Variants in ISM1 observed in about 807,000 individuals in gnomAD.
ISM1 encodes isthmin-1.
In ISM1, 25 loss-of-function variants were observed where a neutral mutation model predicts 46.3. The observed-to-expected ratio is 0.54, with a 90% CI of 0.39 to 0.75. The LOEUF is 0.75. Among genes scored for constraint, ISM1 ranks in the 30% least tolerant of loss-of-function variants. The probability of loss-of-function intolerance (pLI) is 0.00; values close to 1 mark genes in which losing one functional copy is unlikely to be tolerated. For synonymous variants in ISM1, 255 were observed against 256.7 expected (o/e 0.99, Z 0.06); for missense variants, 536 against 625.4 (o/e 0.86, Z 1.52).
chr20:13,246,648 A>G (rs1190388891), intron 1 of ISM1, among the ~76,000 whole-genome samples: 1 of 152,250 alleles, frequency 6.6e-6, no homozygotes, highest in Non-Finnish European at 1.5e-5. Flanking sequence ...CGGAAAGTTT[A>G]CCTACTTGCC....
intron 3 of ISM1, among the ~76,000 whole-genome samples, chr20:13,285,635 G>A (rs1379283757): frequency 1.3e-5 from 2 of 152,184 alleles, no homozygotes; most frequent in African/African-American, 2.4e-5. Flanking sequence ...TTATCCCATT[G>A]GCCAAAGCAA....
intron 5 of ISM1, among the ~76,000 whole-genome samples, chr20:13,296,267 C>G (rs1473716932): frequency 6.6e-6 from 1 of 152,128 alleles, no homozygotes; most frequent in East Asian, 1.9e-4. Context: ...TTCTCTGGAC[C>G]CGAGCCCAGC....
intron 2 of ISM1, among the ~76,000 whole-genome samples, chr20:13,276,944 G>C (rs774658896): frequency 6.6e-6 from 1 of 152,188 alleles, no homozygotes; most frequent in Non-Finnish European, 1.5e-5. Context: ...GGGTGCGGTG[G>C]ATCCTAAGAT....
intron 1 of ISM1, among the ~76,000 whole-genome samples, chr20:13,243,364 C>T (rs1338564664): frequency 6.6e-6 from 1 of 152,156 alleles, no homozygotes; most frequent in Non-Finnish European, 1.5e-5. Context: ...TCACATAGAT[C>T]ATCCTTTGAT....
chr20:13,245,735 A>G (rs1461418160), intron 1 of ISM1, among the ~76,000 whole-genome samples: 3 of 152,160 alleles, frequency 2.0e-5, no homozygotes, highest in Non-Finnish European at 4.4e-5. Flanking sequence ...TCAAAATAAT[A>G]CTTAGTTTCA....
rs1390315704 is a variant in ISM1 at position 13,226,065 on chromosome 20, A to C, written c.138+4151A>C. On this transcript the variant is annotated intron_variant, in intron 1 of 5. Coordinates refer to ENST00000262487, the MANE Select transcript of ISM1 (RefSeq NM_080826.2). ...TTTTAGTAGTAAGTCAGAACTCATTAAGGCAGTGAGATTTAAGCAAGTATT... is the reference window on the plus strand; with the variant it reads ...TTTTAGTAGTAAGTCAGAACTCATTCAGGCAGTGAGATTTAAGCAAGTATT... 4.6e-5 allele frequency among the ~76,000 whole-genome samples: 7 copies of C among 152,248 alleles called. 1 individual carries two copies. Among genetic ancestry groups the C allele is most frequent in the Non-Finnish European group, 1.0e-4 (7 of 68,036 alleles).
At chr20:13,292,090 C>T (rs552364156) in intron 4 of ISM1, among the ~76,000 whole-genome samples, 1 of 152,306 alleles carries the variant, frequency 6.6e-6, no homozygotes, top group Admixed American at 6.5e-5. Context: ...ACATGTGTCC[C>T]CCACTGCCCA....
At chr20:13,325,978 C>T in the ISM1 span, among the ~76,000 whole-genome samples, 6 of 152,168 alleles carry the variant, frequency 3.9e-5, no homozygotes, top group African/African-American at 1.4e-4. Flanking sequence ...TCACATCTTC[C>T]ACCCAACCCT....
chr20:13,274,857 C>A (rs900222283), intron 2 of ISM1, among the ~76,000 whole-genome samples: 25 of 152,086 alleles, frequency 1.6e-4, no homozygotes, highest in African/African-American at 5.8e-4. Flanking sequence ...GAAGAAAATG[C>A]GCAAAATAGA....
At chr20:13,320,165 G>A in the ISM1 span, among the ~76,000 whole-genome samples, 1 of 152,218 alleles carries the variant, frequency 6.6e-6, no homozygotes, top group African/African-American at 2.4e-5. Flanking sequence ...ACCCTGCTGA[G>A]GGGCTCATGG....
At chr20:13,317,516 G>A in the ISM1 span, among the ~76,000 whole-genome samples, 2 of 151,992 alleles carry the variant, frequency 1.3e-5, no homozygotes, top group Non-Finnish European at 2.9e-5. Context: ...AAAGGTAAAC[G>A]ACTCATACTA....
At chr20:13,283,793 G>C (rs774457143) in intron 3 of ISM1, among the ~76,000 whole-genome samples, 1 of 152,120 alleles carries the variant, frequency 6.6e-6, no homozygotes, top group South Asian at 2.1e-4. Flanking sequence ...TGTTACTTGG[G>C]TTAGGACCCA....
At chr20:13,302,545 G>A (rs1343062248), downstream of ISM1, among the ~76,000 whole-genome samples, 1 of 152,194 alleles carries the variant, frequency 6.6e-6, no homozygotes, top group Non-Finnish European at 1.5e-5. Context: ...AGTTCACTCA[G>A]TGGGCAGTAG....
chr20:13,323,923 A>C, the ISM1 span, among the ~76,000 whole-genome samples: 1 of 152,286 alleles, frequency 6.6e-6, no homozygotes, highest in African/African-American at 2.4e-5. Flanking sequence ...AATGATAAGA[A>C]ATGCATTCTT....
At chr20:13,264,938 G>A (rs2040026627) in intron 1 of ISM1, among the ~76,000 whole-genome samples, 1 of 152,182 alleles carries the variant, frequency 6.6e-6, no homozygotes, top group Non-Finnish European at 1.5e-5. Flanking sequence ...AAACCTCCAA[G>A]TGCCCCAGAG....
At position 13,230,609 on chromosome 20, in the gene ISM1, A is replaced by G. The variant is rs114797144; in HGVS notation, c.138+8695A>G. 3.7e-3 allele frequency among the ~76,000 whole-genome samples: 558 copies of G among 152,256 alleles called. 6 individuals are homozygous for G. Among genetic ancestry groups the G allele is most frequent in the African/African-American group, 0.013 (520 of 41,526 alleles). The stretch of plus-strand genomic sequence containing the variant: ...GACAATGAAGCCCCTTAGGTCCTCA[A>G]TGACAGCTAAGAGTGTCCCTCTGTC... On this transcript the variant is annotated intron_variant, in intron 1 of 5. Coordinates refer to ENST00000262487, the MANE Select transcript of ISM1 (RefSeq NM_080826.2).
chr20:13,241,183 G>C (rs1243130328), intron 1 of ISM1, among the ~76,000 whole-genome samples: 1 of 152,134 alleles, frequency 6.6e-6, no homozygotes, highest in East Asian at 1.9e-4. Flanking sequence ...GTCACCAACT[G>C]CTCTGCAGTT....
rs1474374517 is a variant in ISM1 at position 13,232,141 on chromosome 20, TTTA to T, written c.138+10236_138+10238del. The stretch of plus-strand genomic sequence containing the variant: ...ACAGGAGGAGAAGAGTGGCAGTCAT[TTTA>T]TTATTATTTTTTTAAATACAGCTTT... On this transcript the variant is annotated intron_variant, in intron 1 of 5. Coordinates refer to ENST00000262487, the MANE Select transcript of ISM1 (RefSeq NM_080826.2). Among the ~76,000 whole-genome samples the T allele has an allele frequency of 2.0e-5, 3 of 152,220 alleles. No homozygotes were observed. The East Asian group carries it at 5.8e-4, about 29-fold the overall frequency.
intron 1 of ISM1, among the ~76,000 whole-genome samples, chr20:13,225,120 T>C (rs1329788652): frequency 6.6e-6 from 1 of 152,094 alleles, no homozygotes; most frequent in Non-Finnish European, 1.5e-5. Flanking sequence ...CCCAAAGTGC[T>C]GGGATTACAG....
Sources: allele counts gnomAD v4.1 joint callset (sites outside exome capture counted in the v4.1 genomes callset), GRCh38; gene constraint gnomAD v4.1.1; transcripts MANE v1.5; gene names NCBI Gene and HGNC (gene_info 2026-07-23, HGNC 2026-07-21).